Variants in CTNNA3 observed in about 807,000 individuals in gnomAD.
CTNNA3 encodes the protein catenin alpha-3.
In CTNNA3, 76 loss-of-function variants were observed where a neutral mutation model predicts 95.7. The ratio of observed to expected loss-of-function variants is 0.79; its 90% confidence interval spans 0.66 to 0.96. CTNNA3 has a LOEUF of 0.96. Ranked by LOEUF, CTNNA3 falls within the 40% of genes least tolerant of loss-of-function variation. The pLI, the probability that CTNNA3 is intolerant of heterozygous loss-of-function variation, is 0.00. For synonymous variants in CTNNA3, 431 were observed against 374.4 expected (o/e 1.15, Z -1.74); for missense variants, 1,191 against 1,089.8 (o/e 1.09, Z -1.31).
chr10:66,980,730 G>A (rs1850379086), intron 7 of CTNNA3, among the ~76,000 whole-genome samples: 1 of 152,098 alleles, frequency 6.6e-6, no homozygotes, highest in Admixed American at 6.5e-5. Flanking sequence ...TCTCCAAAAT[G>A]GGAATCGTCA....
At chr10:67,595,887 C>G (rs911602576) in intron 3 of CTNNA3, among the ~76,000 whole-genome samples, 10 of 152,256 alleles carry the variant, frequency 6.6e-5, no homozygotes, top group African/African-American at 2.4e-4. Flanking sequence ...AAATGCCCTT[C>G]TTTGTCTTTT....
chr10:67,715,015 T>C (rs915813517), intron 1 of CTNNA3, among the ~76,000 whole-genome samples: 2 of 152,168 alleles, frequency 1.3e-5, no homozygotes, highest in East Asian at 3.8e-4. Flanking sequence ...TATGTCTTGA[T>C]CAGCAGCATG....
intron 17 of CTNNA3, among the ~76,000 whole-genome samples, chr10:65,928,450 T>C (rs1230115017): frequency 6.6e-6 from 1 of 152,182 alleles, no homozygotes; most frequent in Non-Finnish European, 1.5e-5. Flanking sequence ...AAATCTATAC[T>C]TCATTTAACA....
At chr10:67,450,451 C>CA (rs541878827) in intron 5 of CTNNA3, among the ~76,000 whole-genome samples, 3 of 152,014 alleles carry the variant, frequency 2.0e-5, no homozygotes, top group Non-Finnish European at 4.4e-5. Context: ...TATGCAGCTA[C>CA]AAAAAAGAAT....
intron 13 of CTNNA3, among the ~76,000 whole-genome samples, chr10:66,173,065 G>A (rs1278902448): frequency 6.6e-6 from 1 of 152,188 alleles, no homozygotes; most frequent in Non-Finnish European, 1.5e-5. Context: ...AGAGGTGGTT[G>A]TGAGAGAGTT....
Position 66,347,613 on chromosome 10 carries a change from T to TA in CTNNA3, c.1732+31538dup, listed in dbSNP as rs551112976. ...TGAGTGACAGAGTGAGAACCTATCT[T>TA]AAAAAAAAAAGCAGACAGCAAGAAT... On this transcript the variant is annotated intron_variant, in intron 12 of 17. Transcript: ENST00000433211. Among the ~76,000 whole-genome samples, 27 of 147,104 alleles carry TA rather than the reference T, an allele frequency of 1.8e-4. No individual in the cohort carries two copies. In the South Asian group the frequency reaches 2.6e-3, roughly 14 times the overall value.
intron 9 of CTNNA3, among the ~76,000 whole-genome samples, chr10:66,625,335 A>G (rs1844896664): frequency 6.6e-6 from 1 of 152,066 alleles, no homozygotes; most frequent in South Asian, 2.1e-4. Flanking sequence ...CCTCAGCTGA[A>G]CAATCATGTT....
chr10:66,031,016 T>C (rs974113413), intron 15 of CTNNA3, among the ~76,000 whole-genome samples: 3 of 152,124 alleles, frequency 2.0e-5, no homozygotes, highest in Admixed American at 6.6e-5. Flanking sequence ...CATAACTTTA[T>C]TATGTGTCTC....
intron 13 of CTNNA3, among the ~76,000 whole-genome samples, chr10:66,115,708 C>T (rs544683029): frequency 4.6e-5 from 7 of 152,196 alleles, no homozygotes; most frequent in African/African-American, 1.7e-4. Flanking sequence ...ACAATCCTAA[C>T]CAAATTCATC....
At chr10:67,440,988 G>A (rs1018309211) in intron 5 of CTNNA3, among the ~76,000 whole-genome samples, 1 of 151,962 alleles carries the variant, frequency 6.6e-6, no homozygotes, top group Non-Finnish European at 1.5e-5. Flanking sequence ...GCGACACAGA[G>A]ATAGGTGACC....
intron 11 of CTNNA3, among the ~76,000 whole-genome samples, chr10:66,489,602 GCA>G (rs1013242863): frequency 6.6e-6 from 1 of 151,910 alleles, no homozygotes; most frequent in Non-Finnish European, 1.5e-5. Context: ...ACACACACGT[GCA>G]CACACACACA....
chr10:67,736,632 T>A (rs1413584078), intron 1 of CTNNA3, among the ~76,000 whole-genome samples: 1 of 151,644 alleles, frequency 6.6e-6, no homozygotes, highest in Non-Finnish European at 1.5e-5. Flanking sequence ...ATTTTTGTAC[T>A]TTTTAGTAGA....
At chr10:67,364,377 C>A (rs1007745889) in intron 5 of CTNNA3, among the ~76,000 whole-genome samples, 1 of 152,086 alleles carries the variant, frequency 6.6e-6, no homozygotes, top group Admixed American at 6.5e-5. Context: ...TACTGAATGG[C>A]AAAAACTGGA....
chr10:66,923,014 T>G (rs553613558), intron 7 of CTNNA3, among the ~76,000 whole-genome samples: 4 of 152,320 alleles, frequency 2.6e-5, no homozygotes, highest in African/African-American at 9.6e-5. Context: ...TTATTGACTA[T>G]AGTCACCCCA....
At chr10:66,676,570 A>T (rs781782248) in intron 9 of CTNNA3, among the ~76,000 whole-genome samples, 4 of 152,022 alleles carry the variant, frequency 2.6e-5, no homozygotes. Context: ...ACTTCAGAGA[A>T]ACCATTTCTC....
chr10:66,215,058 G>GA (rs139167581), intron 13 of CTNNA3, among the ~76,000 whole-genome samples: 32,292 of 151,656 alleles, frequency 0.21, 4,107 homozygotes, highest in Middle Eastern at 0.32. Context: ...ACTAATACTT[G>GA]AAAAAAAAGG....
At chr10:67,557,253 G>A (rs912939064) in intron 3 of CTNNA3, among the ~76,000 whole-genome samples, 3 of 152,134 alleles carry the variant, frequency 2.0e-5, no homozygotes, top group South Asian at 2.1e-4. Context: ...AAGAAAGTTG[G>A]TGATATTCAT....
intron 10 of CTNNA3, among the ~76,000 whole-genome samples, chr10:66,524,168 C>T (rs1841166257): frequency 9.2e-5 from 1 of 10,834 alleles, no homozygotes; most frequent in Non-Finnish European, 3.2e-4. Flanking sequence ...ATGGAAATAT[C>T]ACCACATACT....
chr10:66,527,431 T>C (rs1393799590), intron 10 of CTNNA3, among the ~76,000 whole-genome samples: 1 of 152,194 alleles, frequency 6.6e-6, no homozygotes, highest in Non-Finnish European at 1.5e-5. Flanking sequence ...TGTGTTTTTT[T>C]CTATATGTGC....
Sources: allele counts gnomAD v4.1 joint callset (sites outside exome capture counted in the v4.1 genomes callset), GRCh38; gene constraint gnomAD v4.1.1; transcripts MANE v1.5; gene names NCBI Gene and HGNC (gene_info 2026-07-23, HGNC 2026-07-21).